Variants in RBFOX1 observed in about 807,000 individuals in gnomAD.
RBFOX1 encodes the protein RNA binding protein fox-1 homolog 1.
A neutral mutation model predicts 57.7 loss-of-function variants in RBFOX1; 8 were observed. The ratio of observed to expected loss-of-function variants is 0.14; its 90% confidence interval spans 0.08 to 0.25. The LOEUF is 0.25. Ranked by LOEUF, RBFOX1 falls within the 10% of genes least tolerant of loss-of-function variation. RBFOX1 has a pLI of 1.00. For synonymous variants in RBFOX1, 326 were observed against 222.4 expected, an observed-to-expected ratio of 1.47 and a Z score of -4.15; for missense variants, 611 against 548.5, an observed-to-expected ratio of 1.11 and a Z score of -1.14.
intron 4 of RBFOX1, among the ~76,000 whole-genome samples, chr16:7,252,360 C>T (rs1214430061): frequency 6.6e-6 from 1 of 152,236 alleles, no homozygotes; most frequent in Admixed American, 6.5e-5. Flanking sequence ...TCTGTGCTTG[C>T]TCATTACAAG....
rs371780023 is a variant in RBFOX1, at chr16:6,102,177, CAAAAA to C, written c.-127+82199_-127+82203del. 2.2e-3 allele frequency among the ~76,000 whole-genome samples: 255 copies of C among 114,032 alleles called. 1 individual carries two copies. The highest frequency in any genetic ancestry group is 6.8e-3 in the African/African-American group (226 of 33,128). 74.8% of individuals were successfully genotyped at this position (114,032 alleles called of 152,430 possible). ...TTAGGGTAATCTTCCCTCTTTCAGC[CAAAAA>C]AAAAAAAAAAAAATGCACCCAGAAA... is the stretch of plus-strand genomic sequence containing the variant. On this transcript the variant is annotated intron_variant, in intron 1 of 15. Coordinates refer to ENST00000550418, the MANE Select transcript of RBFOX1 (RefSeq NM_018723.4).
intron 3 of RBFOX1, among the ~76,000 whole-genome samples, chr16:5,756,837 C>G (rs149832084): frequency 1.5e-3 from 231 of 152,226 alleles, no homozygotes; most frequent in African/African-American, 5.3e-3. Flanking sequence ...ATACAGCTAA[C>G]AGGTACTGAG....
chr16:5,531,769 G>C lies in RBFOX1; in HGVS notation c.258+64515G>C, dbSNP rs1026846831. ...AGTCTCATTTCTAGTGGTGGAGGTA[G>C]ATAGGTCAAAGGGACATGACATGTC... On this transcript the variant is annotated intron_variant, in intron 2 of 2. Transcript: ENST00000585867. Among the ~76,000 whole-genome samples, 5 of 150,792 alleles carry C rather than the reference G, an allele frequency of 3.3e-5. No individual in the cohort carries two copies. In the East Asian group the frequency reaches 9.8e-4, roughly 30 times the overall value.
chr16:5,993,306 G>A (rs1331673604), intron 4 of RBFOX1, among the ~76,000 whole-genome samples: 2 of 151,788 alleles, frequency 1.3e-5, no homozygotes, highest in African/African-American at 2.4e-5. Context: ...AAGAGAGAAT[G>A]TGCCTGTTTG....
chr16:7,240,604 G>C (rs190567637), intron 4 of RBFOX1, among the ~76,000 whole-genome samples: 1 of 152,230 alleles, frequency 6.6e-6, no homozygotes, highest in African/African-American at 2.4e-5. Context: ...ACCCAGGCTG[G>C]AGTACAGTGG....
chr16:6,364,738 C>G (rs117933920), intron 2 of RBFOX1, among the ~76,000 whole-genome samples: 11 of 151,838 alleles, frequency 7.2e-5, no homozygotes, highest in African/African-American at 1.5e-4. Context: ...CACATTTAAA[C>G]CCCACAAATA....
chr16:7,631,214 C>T (rs769532197), intron 11 of RBFOX1, among the ~76,000 whole-genome samples: 11 of 152,130 alleles, frequency 7.2e-5, no homozygotes, highest in Non-Finnish European at 1.6e-4. Context: ...TGGTTCCCCC[C>T]TCATTTAATC....
At position 6,748,293 on chromosome 16, in the gene RBFOX1, ACG is replaced by A. The variant is rs1001295388; in HGVS notation, c.-16+93645_-16+93646del. Among the ~76,000 whole-genome samples, 80 of 151,550 alleles carry A rather than the reference ACG, an allele frequency of 5.3e-4. 1 individual carries two copies. The East Asian group carries it at 7.7e-3, about 15-fold the overall frequency. On this transcript the variant is annotated intron_variant, in intron 3 of 15. Coordinates refer to ENST00000550418, the MANE Select transcript of RBFOX1 (RefSeq NM_018723.4). ...TCTCTCTCTCTCTCTACACACACAC[ACG>A]CAAATACATACACACACATATATAC...
intron 4 of RBFOX1, among the ~76,000 whole-genome samples, chr16:7,292,712 C>A (rs887918043): frequency 6.6e-6 from 1 of 151,742 alleles, no homozygotes; most frequent in African/African-American, 2.4e-5. Flanking sequence ...CAGCCAGGGA[C>A]ATATATAGTC....
rs138851771 is a variant in RBFOX1 at position 6,575,513 on chromosome 16, C to G, written c.-63-79090C>G. Among the ~76,000 whole-genome samples, 20 of 152,114 alleles carry G rather than the reference C, an allele frequency of 1.3e-4. 1 individual carries two copies. The highest frequency in any genetic ancestry group is 7.3e-5 in the Non-Finnish European group (5 of 68,028). ...ATCTTCTAAATAAAGACCCAAAACA[C>G]TTCTAAAATTAAACATGAAAACACA... is the stretch of plus-strand genomic sequence containing the variant. On this transcript the variant is annotated intron_variant, in intron 2 of 15. Coordinates refer to ENST00000550418, the MANE Select transcript of RBFOX1 (RefSeq NM_018723.4).
At chr16:7,704,466 C>G (rs1488429899) in intron 14 of RBFOX1, among the ~76,000 whole-genome samples, 1 of 152,164 alleles carries the variant, frequency 6.6e-6, no homozygotes, top group African/African-American at 2.4e-5. Flanking sequence ...GAGCAGCTGA[C>G]CCAGAGTCTT....
intron 3 of RBFOX1, among the ~76,000 whole-genome samples, chr16:6,845,189 C>A (rs1001313529): frequency 1.3e-5 from 2 of 152,022 alleles, no homozygotes; most frequent in South Asian, 2.1e-4. Context: ...TAATTAGATC[C>A]CATTTATCAA....
chr16:5,963,070 G>C (rs1472695457), intron 4 of RBFOX1, among the ~76,000 whole-genome samples: 1 of 152,142 alleles, frequency 6.6e-6, no homozygotes, highest in Non-Finnish European at 1.5e-5. Context: ...TAATATGTGA[G>C]TTAATATTTG....
Position 7,578,816 on chromosome 16 carries a change from C to T in RBFOX1, c.271-961C>T, listed in dbSNP as rs547430516. ...ATGCTAAATGTCTGAAATGTTAAAACTCTAGAACCGAGAGTATGGCAGTGG... is the reference window on the plus strand; with the variant it reads ...ATGCTAAATGTCTGAAATGTTAAAATTCTAGAACCGAGAGTATGGCAGTGG... On this transcript the variant is annotated intron_variant, in intron 5 of 15. Transcript: ENST00000550418. Among the ~76,000 whole-genome samples the T allele has an allele frequency of 9.2e-5, 14 of 152,300 alleles. 2 individuals carry two copies. The South Asian group carries it at 2.9e-3, about 32-fold the overall frequency.
At chr16:5,567,707 A>G (rs1276028263) in intron 2 of RBFOX1, among the ~76,000 whole-genome samples, 1 of 147,458 alleles carries the variant, frequency 6.8e-6, no homozygotes, top group Non-Finnish European at 1.5e-5. Flanking sequence ...GATTACTGTC[A>G]TTGCTGACAT....
intron 12 of RBFOX1, among the ~76,000 whole-genome samples, chr16:7,656,986 T>C (rs1162243640): frequency 6.6e-6 from 1 of 152,182 alleles, no homozygotes; most frequent in African/African-American, 2.4e-5. Context: ...CTCCATCTTT[T>C]CTAAGATGTC....
intron 2 of RBFOX1, among the ~76,000 whole-genome samples, chr16:6,355,928 G>A (rs1263635554): frequency 1.3e-5 from 2 of 152,206 alleles, no homozygotes; most frequent in African/African-American, 4.8e-5. Flanking sequence ...CAAAATGGGT[G>A]TAGGTCAAGA....
At chr16:5,827,662 T>G (rs8049591) in intron 3 of RBFOX1, among the ~76,000 whole-genome samples, 32,580 of 152,070 alleles carry the variant, frequency 0.21, 3,899 homozygotes, top group African/African-American at 0.29. Context: ...CTGCAGCTGT[T>G]TTTTAGTTAA....
At chr16:7,510,594 C>T (rs955366891) in intron 4 of RBFOX1, among the ~76,000 whole-genome samples, 1 of 152,018 alleles carries the variant, frequency 6.6e-6, no homozygotes, top group African/African-American at 2.4e-5. Flanking sequence ...TTAATGGTGT[C>T]CTTTTGCATT....
Sources: allele counts gnomAD v4.1 joint callset (sites outside exome capture counted in the v4.1 genomes callset), GRCh38; gene constraint gnomAD v4.1.1; transcripts MANE v1.5; gene names NCBI Gene and HGNC (gene_info 2026-07-23, HGNC 2026-07-21).